Variants in NQO1 observed in about 807,000 individuals in gnomAD.
NQO1 encodes the protein NAD(P)H quinone dehydrogenase 1, also known as NAD(P)H dehydrogenase [quinone] 1.
In NQO1, 30 loss-of-function variants were observed where a neutral mutation model predicts 32.1. That is an observed-to-expected ratio of 0.94 (90% CI 0.70 to 1.27). NQO1 has a LOEUF of 1.27. Ranked by LOEUF, NQO1 falls within the 50% of genes most tolerant of loss-of-function variation. The pLI is 0.00. For missense variants in NQO1, 276 were observed against 331.3 expected, an observed-to-expected ratio of 0.83 and a Z score of 1.30; for synonymous variants, 109 against 119.7, an observed-to-expected ratio of 0.91 and a Z score of 0.59.
chr16:69,713,906 C>A (rs542819405), intron 4 of NQO1, among the ~76,000 whole-genome samples: 2 of 90,346 alleles, frequency 2.2e-5, no homozygotes, highest in Non-Finnish European at 4.5e-5. Flanking sequence ...TATGGAGGCT[C>A]GCTCTGTCAC....
intron 3 of NQO1, among the ~76,000 whole-genome samples, chr16:69,716,844 G>A (rs776622545): frequency 9.2e-5 from 14 of 152,072 alleles, no homozygotes; most frequent in Admixed American, 1.3e-4. Flanking sequence ...CCAGCTATTC[G>A]GGAGACTGAG....
rs1377166716 is a variant in NQO1 at position 69,710,256 on chromosome 16, C to G, written c.*720G>C. The G allele has an allele frequency of 1.3e-5, 2 of 152,184 alleles. No homozygotes were observed. Among genetic ancestry groups the G allele is most frequent in the Admixed American group, 6.6e-5 (1 of 15,258 alleles). 9.4% of individuals were successfully genotyped at this position (152,184 alleles called of 1,614,324 possible). On this transcript the variant is annotated 3_prime_UTR_variant, in exon 6 of 6. Coordinates refer to ENST00000320623, the MANE Select transcript of NQO1 (RefSeq NM_000903.3). ...GCTGAGGCAGGAGAATTGCTGGAAC[C>G]TGGGAGGCAGAGGTTGCAGTGAGCC...
At chr16:69,721,765 A>G (rs2151746716) in intron 1 of NQO1, among the ~76,000 whole-genome samples, 1 of 149,378 alleles carries the variant, frequency 6.7e-6, no homozygotes, top group Non-Finnish European at 1.5e-5. Flanking sequence ...AAGCCGAGGC[A>G]GGCAGCTTGC....
At chr16:69,717,308 G>C (rs1437147455) in intron 3 of NQO1, among the ~76,000 whole-genome samples, 2 of 152,308 alleles carry the variant, frequency 1.3e-5, no homozygotes, top group East Asian at 3.9e-4. Flanking sequence ...AAGAAGAAAG[G>C]CCGTGGTTTG....
intron 1 of NQO1, among the ~76,000 whole-genome samples, chr16:69,719,292 A>C (rs889766860): frequency 6.6e-6 from 1 of 152,246 alleles, no homozygotes. Context: ...TTAAAGACAC[A>C]TAAATCTTTT....
chr16:69,718,639 A>G (rs2038149490), intron 1 of NQO1, 105 bp from the exon 2 acceptor site: 1 of 1,133,914 alleles, frequency 8.8e-7, no homozygotes, highest in African/African-American at 1.5e-5. Context: ...GCTTTGTTTG[A>G]CATTAGGTTA....
intron 4 of NQO1, among the ~76,000 whole-genome samples, chr16:69,714,446 C>T (rs1159079031): frequency 6.6e-6 from 1 of 151,420 alleles, no homozygotes. Flanking sequence ...GCTGAAATTA[C>T]AGGCGTGAGC....
chr16:69,724,365 G>A (rs115722021), intron 1 of NQO1, among the ~76,000 whole-genome samples: 1,760 of 151,744 alleles, frequency 0.012, 26 homozygotes, highest in African/African-American at 0.037. Flanking sequence ...TGGCCCATTC[G>A]GAAAGGCCCT....
chr16:69,724,595 G>T (rs577246645), intron 1 of NQO1, among the ~76,000 whole-genome samples: 44 of 151,672 alleles, frequency 2.9e-4, no homozygotes, highest in African/African-American at 1.0e-3. Flanking sequence ...CCAGCTACTC[G>T]GGGGCAAAGA....
chr16:69,711,417 G>C, intron 5 of NQO1, 136 bp from the exon 6 acceptor site: 1 of 712,302 alleles, frequency 1.4e-6, no homozygotes, highest in South Asian at 1.9e-5. Flanking sequence ...AATCAGTTCA[G>C]AGCTAGCGTC....
intron 4 of NQO1, among the ~76,000 whole-genome samples, chr16:69,713,807 T>G (rs1456069419): frequency 6.6e-6 from 1 of 151,444 alleles, no homozygotes; most frequent in African/African-American, 2.4e-5. Flanking sequence ...CGGGTTCAAG[T>G]GATTCTCCTG....
At chr16:69,711,363 T>C in intron 5 of NQO1, 82 bp from the exon 6 acceptor site, 1 of 1,216,240 alleles carries the variant, frequency 8.2e-7, no homozygotes, top group South Asian at 1.5e-5. Flanking sequence ...GGTCTGGGCT[T>C]CTCAGTAAGA....
At chr16:69,721,460 C>T (rs1414884729) in intron 1 of NQO1, among the ~76,000 whole-genome samples, 1 of 152,216 alleles carries the variant, frequency 6.6e-6, no homozygotes, top group Non-Finnish European at 1.5e-5. Context: ...GACAGCCAAA[C>T]CTGCCAGCAC....
chr16:69,714,278 C>T (rs1015130930), intron 4 of NQO1, among the ~76,000 whole-genome samples: 2 of 151,572 alleles, frequency 1.3e-5, no homozygotes, highest in African/African-American at 4.8e-5. Context: ...TCAAGCAATT[C>T]TCCTGGCTCA....
intron 4 of NQO1, 80 bp from the exon 5 acceptor site, chr16:69,713,209 G>A (rs1336663507): frequency 3.9e-6 from 4 of 1,035,932 alleles, no homozygotes; most frequent in African/African-American, 1.6e-5. Flanking sequence ...ACAGCTCCAG[G>A]GAAAAGAACA....
At chr16:69,714,544 G>A (rs1256021378) in intron 4 of NQO1, among the ~76,000 whole-genome samples, 4 of 151,834 alleles carry the variant, frequency 2.6e-5, no homozygotes, top group South Asian at 2.1e-4. Context: ...CGTCTCTCCC[G>A]AAGGACCTGG....
intron 4 of NQO1, among the ~76,000 whole-genome samples, chr16:69,714,293 C>T (rs2038082906): frequency 6.6e-6 from 1 of 151,230 alleles, no homozygotes; most frequent in African/African-American, 2.4e-5. Context: ...GGCTCAGCCT[C>T]CTGAGTAGCT....
chr16:69,717,492 G>A (rs1157570060), intron 3 of NQO1, among the ~76,000 whole-genome samples: 5 of 40,614 alleles, frequency 1.2e-4, no homozygotes, highest in Admixed American at 5.3e-4. Context: ...CGCAGGATTC[G>A]CTAACTGAAG....
chr16:69,714,587 C>T (rs1242249875), intron 4 of NQO1, among the ~76,000 whole-genome samples: 1 of 151,776 alleles, frequency 6.6e-6, no homozygotes, highest in Non-Finnish European at 1.5e-5. Context: ...GTGCTCAAAA[C>T]CCTGCATCAG....
Sources: gnomAD v4.1 joint callset for allele counts (sites outside exome capture counted in the v4.1 genomes callset) on GRCh38, gnomAD v4.1.1 for gene constraint, MANE v1.5 for transcripts, NCBI Gene and HGNC (gene_info 2026-07-23, HGNC 2026-07-21) for gene names.